The following RFC1 variants were observed in gnomAD, a reference collection of about 807,000 sequenced individuals.
RFC1 encodes replication factor C subunit 1.
A neutral mutation model predicts 137.4 loss-of-function variants in RFC1; 37 were observed. That is an observed-to-expected ratio of 0.27 (90% CI 0.21 to 0.35). The LOEUF is 0.35. RFC1 is among the 10% of genes least tolerant of loss of function. The pLI is 1.00. For missense variants in RFC1, 1,205 were observed against 1,358.5 expected (o/e 0.89, Z 1.78); for synonymous variants, 429 against 455.7 (o/e 0.94, Z 0.75).
intron 2 of RFC1, among the ~76,000 whole-genome samples, chr4:39,346,359 C>T (rs1450307504): frequency 6.6e-6 from 1 of 151,996 alleles, no homozygotes; most frequent in Non-Finnish European, 1.5e-5. Flanking sequence ...GCCTGTAATC[C>T]CAGCTACTTG....
chr4:39,301,218 CT>C (rs1409341687), intron 19 of RFC1, among the ~76,000 whole-genome samples: 1 of 152,170 alleles, frequency 6.6e-6, no homozygotes, highest in African/African-American at 2.4e-5. Flanking sequence ...ATACCACATT[CT>C]GGAAAAGGCA....
intron 13 of RFC1, among the ~76,000 whole-genome samples, chr4:39,307,000 T>G (rs927890326): frequency 6.6e-6 from 1 of 152,188 alleles, no homozygotes; most frequent in African/African-American, 2.4e-5. Context: ...TGGAGCACGC[T>G]GCCGGGGCTC....
intron 4 of RFC1, among the ~76,000 whole-genome samples, chr4:39,329,737 A>C (rs77775013): frequency 0.018 from 2,699 of 152,064 alleles, 77 homozygotes; most frequent in African/African-American, 0.062. Flanking sequence ...AAACTTTTTT[A>C]ATACAATTGA....
At chr4:39,360,762 G>A (rs1741718786) in intron 1 of RFC1, among the ~76,000 whole-genome samples, 1 of 152,058 alleles carries the variant, frequency 6.6e-6, no homozygotes, top group South Asian at 2.1e-4. Flanking sequence ...AGCAAATTAT[G>A]TCACTGTGTT....
At chr4:39,333,642 C>T (rs1740216248) in intron 4 of RFC1, among the ~76,000 whole-genome samples, 1 of 151,832 alleles carries the variant, frequency 6.6e-6, no homozygotes, top group African/African-American at 2.4e-5. Context: ...CTTTTATGTG[C>T]ACCCTAATGT....
At chr4:39,294,030 C>T (rs567870032) in intron 22 of RFC1, among the ~76,000 whole-genome samples, 3 of 152,258 alleles carry the variant, frequency 2.0e-5, no homozygotes, top group Admixed American at 2.0e-4. Context: ...TATGAAGACC[C>T]TTGTGATAAC....
chr4:39,321,601 T>C (rs988807942), intron 7 of RFC1: 4 of 434,708 alleles, frequency 9.2e-6, no homozygotes, highest in African/African-American at 2.0e-5. Context: ...AATACATCTA[T>C]AAAAATTATC....
At chr4:39,351,282 A>ACT in intron 2 of RFC1, 66 bp downstream of exon 2, 1 of 535,058 alleles carries the variant, frequency 1.9e-6, no homozygotes, top group Non-Finnish European at 2.7e-6. Context: ...AAAAAAAAAA[A>ACT]AAACTTATAA....
intron 1 of RFC1, 34 bp downstream of exon 1, chr4:39,366,205 A>G (rs6846286): frequency 1.9e-6 from 3 of 1,547,144 alleles, no homozygotes; most frequent in Non-Finnish European, 2.6e-6. Flanking sequence ...GCCCCCCCAG[A>G]CCCCGAGCCG....
intron 6 of RFC1, among the ~76,000 whole-genome samples, chr4:39,325,766 C>T (rs1378397938): frequency 6.6e-6 from 1 of 152,206 alleles, no homozygotes; most frequent in Non-Finnish European, 1.5e-5. Flanking sequence ...TCAGATTATG[C>T]CCACTTCTCA....
At chr4:39,348,116 G>A (rs1214001498) in intron 2 of RFC1, among the ~76,000 whole-genome samples, 1 of 151,982 alleles carries the variant, frequency 6.6e-6, no homozygotes, top group Non-Finnish European at 1.5e-5. Flanking sequence ...CAGCCTGTCC[G>A]TATTTCAGAA....
At position 39,349,188 on chromosome 4, in the gene RFC1, C is replaced by T. The variant is rs372990732; in HGVS notation, c.132+2160G>A. ...CTGAAATGAGTTAAGACTTTGGGGG[C>T]TGTTATGATGGAATGAATGTATTTT... On this transcript the variant is annotated intron_variant, in intron 2 of 24. Transcript: ENST00000349703. Among the ~76,000 whole-genome samples the T allele has an allele frequency of 5.3e-4, 81 of 152,118 alleles. 1 individual carries two copies. In the South Asian group the frequency reaches 0.016, roughly 31 times the overall value.
chr4:39,317,617 A>G (rs1293109748), intron 9 of RFC1, among the ~76,000 whole-genome samples: 4 of 152,230 alleles, frequency 2.6e-5, no homozygotes, highest in African/African-American at 7.2e-5. Flanking sequence ...TACCATAGGT[A>G]TATCTCAGAA....
intron 6 of RFC1, among the ~76,000 whole-genome samples, chr4:39,324,818 G>A (rs1739682267): frequency 1.3e-5 from 2 of 152,230 alleles, no homozygotes; most frequent in African/African-American, 4.8e-5. Context: ...ATGACAGAGT[G>A]TGACAGAGTA....
At chr4:39,346,720 A>G (rs1258004493) in intron 2 of RFC1, among the ~76,000 whole-genome samples, 1 of 152,216 alleles carries the variant, frequency 6.6e-6, no homozygotes, top group African/African-American at 2.4e-5. Flanking sequence ...GAGCAATTAT[A>G]ATTTATATAT....
intron 4 of RFC1, among the ~76,000 whole-genome samples, chr4:39,332,896 T>G (rs974325406): frequency 6.6e-6 from 1 of 152,170 alleles, no homozygotes; most frequent in Admixed American, 6.5e-5. Context: ...GACGGAAGGA[T>G]CACTTGAGCC....
intron 14 of RFC1, 150 bp downstream of exon 14, chr4:39,306,442 C>T: frequency 1.8e-6 from 1 of 554,484 alleles, no homozygotes; most frequent in Non-Finnish European, 3.2e-6. Flanking sequence ...AAAACAGGTT[C>T]TAAAGGTTTT....
intron 9 of RFC1, among the ~76,000 whole-genome samples, chr4:39,318,677 A>G (rs1445820581): frequency 2.0e-5 from 3 of 152,238 alleles, no homozygotes; most frequent in Non-Finnish European, 4.4e-5. Flanking sequence ...TAAATGGAAC[A>G]TGTTTTAGTG....
At chr4:39,345,670 G>A (rs566124964) in intron 2 of RFC1, among the ~76,000 whole-genome samples, 194 bp from the exon 3 acceptor site, 60 of 152,120 alleles carry the variant, frequency 3.9e-4, no homozygotes, top group African/African-American at 1.4e-3. Flanking sequence ...ACAGAAACCC[G>A]CCACAATGCC....
Sources: gnomAD v4.1 joint callset for allele counts (sites outside exome capture counted in the v4.1 genomes callset) on GRCh38, gnomAD v4.1.1 for gene constraint, MANE v1.5 for transcripts, NCBI Gene and HGNC (gene_info 2026-07-23, HGNC 2026-07-21) for gene names.